The following ASTN1 variants were observed in gnomAD, a reference collection of about 807,000 sequenced individuals.
ASTN1 encodes astrotactin 1, also known as astrotactin-1.
A neutral mutation model predicts 140.7 loss-of-function variants in ASTN1; 41 were observed. The ratio of observed to expected loss-of-function variants is 0.29; its 90% CI spans 0.23 to 0.38. The LOEUF (loss-of-function observed/expected upper bound fraction) is 0.38, where lower values mean the gene tolerates loss of function less well. ASTN1 is among the 10% of genes least tolerant of loss of function. The probability of loss-of-function intolerance (pLI) is 1.00; values close to 1 mark genes in which losing one functional copy is unlikely to be tolerated. For missense variants in ASTN1, 1,479 were observed against 1,678.8 expected (o/e 0.88, Z 2.08); for synonymous variants, 640 against 652.2 (o/e 0.98, Z 0.29).
rs187326644 is a variant in ASTN1 at position 177,120,124 on chromosome 1, G to A, written c.283+44270C>T. Among the ~76,000 whole-genome samples the A allele has an allele frequency of 2.3e-3, 349 of 152,328 alleles. 8 individuals carry two copies. The highest frequency in any genetic ancestry group is 7.8e-4 in the Non-Finnish European group (53 of 68,028). ...AATGTGGCATCAGAGCCAGAAAATG[G>A]AGGAGCAGTGGAGCTCCTATAGCTG... On this transcript the variant is annotated intron_variant, in intron 1 of 22. Transcript: ENST00000361833.
chr1:177,132,228 A>G (rs1252885724), intron 1 of ASTN1, among the ~76,000 whole-genome samples: 1 of 152,220 alleles, frequency 6.6e-6, no homozygotes, highest in African/African-American at 2.4e-5. Context: ...AACAAAGACA[A>G]ATAACAATCT....
intron 2 of ASTN1, among the ~76,000 whole-genome samples, chr1:177,034,485 G>T (rs1676613732): frequency 2.0e-5 from 3 of 152,008 alleles, no homozygotes; most frequent in Non-Finnish European, 2.9e-5. Flanking sequence ...ACATGCTCAG[G>T]TTCCATTATG....
chr1:177,076,750 T>G (rs1253923227), intron 1 of ASTN1, among the ~76,000 whole-genome samples: 1 of 152,142 alleles, frequency 6.6e-6, no homozygotes, highest in Non-Finnish European at 1.5e-5. Flanking sequence ...CTTGAACTTC[T>G]GACCTCAAGT....
At chr1:177,104,817 A>G (rs539524072) in intron 1 of ASTN1, among the ~76,000 whole-genome samples, 3 of 152,314 alleles carry the variant, frequency 2.0e-5, no homozygotes, top group African/African-American at 7.2e-5. Context: ...TTCTTCTATC[A>G]GTAAGAGGAA....
In ASTN1 at chr1:176,862,501, G is replaced by A. The variant is rs1362774790; in HGVS notation, c.*1783C>T. 3.0e-6 allele frequency: 3 copies of A among 985,338 alleles called. No homozygotes were observed. The African/African-American group carries it at 5.2e-5, about 17-fold the overall frequency. The allele number at this position is 985,338 out of a possible 1,614,324, so 61.0% of individuals were successfully genotyped here. A position where few individuals can be genotyped will look rare whatever the true frequency, so the allele number is the denominator to read the frequency against. ...ATGCTTGGGAAAGGTAAAGCTCTCT[G>A]GGCAGGTTCCCTGTGGGGCTGAGAG... On this transcript the variant is annotated 3_prime_UTR_variant, in exon 23 of 23. Transcript: ENST00000361833.
At chr1:177,137,404 CAAAG>C (rs1035375892) in intron 1 of ASTN1, among the ~76,000 whole-genome samples, 14 of 152,012 alleles carry the variant, frequency 9.2e-5, no homozygotes, top group Non-Finnish European at 1.5e-5. Flanking sequence ...ATGCAAGAGA[CAAAG>C]AAAAGAGTTC....
chr1:177,059,963 GTATT>G (rs961755264), intron 2 of ASTN1, among the ~76,000 whole-genome samples: 2 of 152,166 alleles, frequency 1.3e-5, no homozygotes, highest in African/African-American at 4.8e-5. Flanking sequence ...AGCAGACAAT[GTATT>G]TGTTTACCAG....
intron 1 of ASTN1, among the ~76,000 whole-genome samples, chr1:177,128,989 G>A (rs111764559): frequency 6.6e-6 from 1 of 152,178 alleles, no homozygotes; most frequent in East Asian, 1.9e-4. Context: ...AGGTGCCAAC[G>A]AGCTCCAAGA....
intron 1 of ASTN1, among the ~76,000 whole-genome samples, chr1:177,079,558 C>T (rs1186918510): frequency 6.6e-6 from 1 of 152,108 alleles, no homozygotes; most frequent in Non-Finnish European, 1.5e-5. Context: ...CCATCCTTTT[C>T]CCATTGTTCT....
chr1:177,057,061 A>G (rs142951433), intron 2 of ASTN1, among the ~76,000 whole-genome samples: 2 of 152,352 alleles, frequency 1.3e-5, no homozygotes, highest in Non-Finnish European at 2.9e-5. Flanking sequence ...CCAAGTTTGA[A>G]TCATGCAAGG....
intron 8 of ASTN1, among the ~76,000 whole-genome samples, chr1:176,967,978 T>C (rs1672957000): frequency 1.3e-5 from 2 of 152,104 alleles, no homozygotes; most frequent in Admixed American, 1.3e-4. Context: ...GAGTGTAGTG[T>C]AGACCCCATC....
chr1:177,130,402 C>T (rs1681887114), intron 1 of ASTN1, among the ~76,000 whole-genome samples: 1 of 152,122 alleles, frequency 6.6e-6, no homozygotes, highest in African/African-American at 2.4e-5. Context: ...CAAAGTAAAA[C>T]AGTCTAGGAT....
At chr1:176,907,708 C>T (rs1388251138) in intron 16 of ASTN1, among the ~76,000 whole-genome samples, 1 of 152,120 alleles carries the variant, frequency 6.6e-6, no homozygotes, top group African/African-American at 2.4e-5. Flanking sequence ...TGTAGACAGC[C>T]CCATTCAATG....
intron 16 of ASTN1, among the ~76,000 whole-genome samples, chr1:176,896,998 C>T (rs1236416705): frequency 2.6e-5 from 4 of 152,108 alleles, no homozygotes. Context: ...AAGTAAAGGG[C>T]GGACGTGGTG....
intron 1 of ASTN1, among the ~76,000 whole-genome samples, chr1:177,081,756 G>A: frequency 6.6e-6 from 1 of 152,130 alleles, no homozygotes; most frequent in African/African-American, 2.4e-5. Flanking sequence ...CTGTTTAAGA[G>A]TTTGAACTTT....
intron 8 of ASTN1, among the ~76,000 whole-genome samples, chr1:177,000,738 C>T (rs1022458627): frequency 1.2e-4 from 19 of 152,340 alleles, no homozygotes; most frequent in African/African-American, 4.3e-4. Context: ...TATTTTTGCT[C>T]AGCCTAAAGA....
intron 1 of ASTN1, among the ~76,000 whole-genome samples, chr1:177,126,990 A>T (rs932540771): frequency 1.1e-4 from 17 of 152,180 alleles, no homozygotes; most frequent in Non-Finnish European, 2.9e-5. Flanking sequence ...GATAAATAAC[A>T]TTTTGAAGCT....
chr1:177,073,411 C>T (rs761146200), intron 1 of ASTN1, among the ~76,000 whole-genome samples: 1 of 151,830 alleles, frequency 6.6e-6, no homozygotes, highest in African/African-American at 2.4e-5. Context: ...TTGCCCTAAA[C>T]TCATCTTCCT....
intron 1 of ASTN1, among the ~76,000 whole-genome samples, chr1:177,118,911 C>T (rs999749215): frequency 1.3e-5 from 2 of 152,120 alleles, no homozygotes; most frequent in Admixed American, 6.5e-5. Flanking sequence ...CTTGGGAACA[C>T]GTCAAGAAAC....
Sources: allele counts gnomAD v4.1 joint callset (sites outside exome capture counted in the v4.1 genomes callset), GRCh38; gene constraint gnomAD v4.1.1; transcripts MANE v1.5; gene names NCBI Gene and HGNC (gene_info 2026-07-23, HGNC 2026-07-21).